The following CALN1 variants were observed in gnomAD, a reference collection of about 807,000 sequenced individuals.
CALN1 encodes the protein calcium-binding protein 8.
Under a neutral mutation model 30.6 loss-of-function variants are expected in CALN1, and 17 were observed. The observed-to-expected ratio is 0.56, with a 90% CI of 0.38 to 0.83. The LOEUF (loss-of-function observed/expected upper bound fraction) is 0.83, where lower values mean the gene tolerates loss of function less well. Among genes scored for constraint, CALN1 ranks in the 40% least tolerant of loss-of-function variants. The pLI, the probability that CALN1 is intolerant of heterozygous loss-of-function variation, is 0.00. For missense variants in CALN1, 291 were observed against 354.9 expected (o/e 0.82, Z 1.45); for synonymous variants, 156 against 131.4 (o/e 1.19, Z -1.28).
chr7:72,298,052 A>G (rs921490892), intron 2 of CALN1, among the ~76,000 whole-genome samples: 1 of 152,144 alleles, frequency 6.6e-6, no homozygotes, highest in Non-Finnish European at 1.5e-5. Context: ...AATAGTTGAG[A>G]CATTTCCAAA....
chr7:72,387,798 A>C (rs1474457825), intron 2 of CALN1, among the ~76,000 whole-genome samples: 1 of 152,204 alleles, frequency 6.6e-6, no homozygotes, highest in Non-Finnish European at 1.5e-5. Context: ...AGAAGGACAA[A>C]CACCACATGA....
At chr7:72,296,892 T>G (rs1798902892) in intron 2 of CALN1, among the ~76,000 whole-genome samples, 1 of 151,852 alleles carries the variant, frequency 6.6e-6, no homozygotes, top group Non-Finnish European at 1.5e-5. Context: ...ATTTCTTGCC[T>G]TCTGCTAGCT....
chr7:72,088,564 T>A (rs1805631878), intron 4 of CALN1, among the ~76,000 whole-genome samples: 1 of 151,646 alleles, frequency 6.6e-6, no homozygotes, highest in African/African-American at 2.4e-5. Flanking sequence ...CCAGGCATGG[T>A]GACGCGTGCC....
chr7:72,158,827 C>G (rs1226207917), intron 3 of CALN1, among the ~76,000 whole-genome samples: 1 of 152,058 alleles, frequency 6.6e-6, no homozygotes, highest in East Asian at 1.9e-4. Context: ...TATCTCTTAC[C>G]TCTTATTATG....
intron 5 of CALN1, among the ~76,000 whole-genome samples, chr7:71,967,451 G>T (rs1797580967): frequency 6.6e-6 from 1 of 151,714 alleles, no homozygotes; most frequent in Non-Finnish European, 1.5e-5. Flanking sequence ...AACATAGCAA[G>T]ACCTTGTCTC....
intron 2 of CALN1, among the ~76,000 whole-genome samples, chr7:72,358,325 A>G (rs778879886): frequency 9.9e-5 from 15 of 152,074 alleles, no homozygotes; most frequent in Non-Finnish European, 2.1e-4. Context: ...ACGTGGAGTG[A>G]TATCCACTAG....
chr7:71,810,550 CG>C, intron 5 of CALN1, 58 bp from the exon 6 acceptor site: 1 of 1,570,350 alleles, frequency 6.4e-7, no homozygotes, highest in South Asian at 1.2e-5. Flanking sequence ...GAAGTTGGCT[CG>C]GGCCATGACA....
chr7:71,864,365 A>G (rs1344575567), intron 5 of CALN1, among the ~76,000 whole-genome samples: 1 of 152,136 alleles, frequency 6.6e-6, no homozygotes, highest in Non-Finnish European at 1.5e-5. Context: ...GAAGACAGCA[A>G]ATGTGCATGC....
chr7:72,406,261 G>A lies in CALN1; in HGVS notation c.-73-2819C>T, dbSNP rs1231607223. The stretch of plus-strand genomic sequence containing the variant: ...GACTAACCACCGTCGGCCAACTAAT[G>A]AAGCACCCCATGTTGGCATCTGCAC... On this transcript the variant is annotated intron_variant, in intron 1 of 6. Coordinates refer to ENST00000395275, the MANE Select transcript of CALN1 (RefSeq NM_031468.4). 4.6e-5 allele frequency among the ~76,000 whole-genome samples: 7 copies of A among 152,242 alleles called. No individual in the cohort carries two copies. In the East Asian group the frequency reaches 1.2e-3, roughly 25 times the overall value.
chr7:72,052,905 TGTG>T (rs1802928720), intron 4 of CALN1, among the ~76,000 whole-genome samples: 1 of 140,960 alleles, frequency 7.1e-6, no homozygotes, highest in Non-Finnish European at 1.6e-5. Flanking sequence ...CAAGGCCAGG[TGTG>T]GTGGCTCACG....
intron 3 of CALN1, among the ~76,000 whole-genome samples, chr7:72,243,629 G>A (rs1281505853): frequency 2.0e-5 from 3 of 152,080 alleles, no homozygotes; most frequent in African/African-American, 7.2e-5. Context: ...CTCACTGTCA[G>A]GACTTAGTGG....
chr7:72,261,349 G>A (rs1344030135), intron 3 of CALN1, among the ~76,000 whole-genome samples: 5 of 151,474 alleles, frequency 3.3e-5, no homozygotes, highest in African/African-American at 4.8e-5. Context: ...AAATCTATCC[G>A]TACACATGAG....
At chr7:72,462,593 C>T in the CALN1 span, among the ~76,000 whole-genome samples, 1 of 152,200 alleles carries the variant, frequency 6.6e-6, no homozygotes, top group African/African-American at 2.4e-5. Context: ...GGTCGCAGTC[C>T]AAATGGGCTG....
the CALN1 span, among the ~76,000 whole-genome samples, chr7:72,472,026 C>G: frequency 6.6e-6 from 1 of 152,044 alleles, no homozygotes; most frequent in Admixed American, 6.6e-5. Context: ...AAACCCCTGG[C>G]CTCAAGAAAT....
At chr7:72,480,180 G>A in the CALN1 span, among the ~76,000 whole-genome samples, 2 of 152,160 alleles carry the variant, frequency 1.3e-5, no homozygotes, top group African/African-American at 4.8e-5. Flanking sequence ...CCCCTTAAGG[G>A]GAAACACAGA....
At chr7:71,866,325 T>G (rs1044038932) in intron 5 of CALN1, among the ~76,000 whole-genome samples, 1 of 152,158 alleles carries the variant, frequency 6.6e-6, no homozygotes, top group African/African-American at 2.4e-5. Context: ...GCCAGTTTTA[T>G]ATGTTTATTA....
At chr7:71,832,170 T>C (rs1343082317) in intron 5 of CALN1, among the ~76,000 whole-genome samples, 2 of 152,120 alleles carry the variant, frequency 1.3e-5, no homozygotes, top group Non-Finnish European at 2.9e-5. Context: ...AAGAATGTCA[T>C]GTAGGCTTTT....
intron 5 of CALN1, among the ~76,000 whole-genome samples, chr7:71,946,116 G>A (rs963513308): frequency 2.6e-5 from 4 of 152,148 alleles, no homozygotes; most frequent in African/African-American, 9.7e-5. Context: ...GTTCCAAAAG[G>A]ATTTTTGGAA....
intron 1 of CALN1, among the ~76,000 whole-genome samples, chr7:72,406,445 C>A (rs922057757): frequency 6.6e-6 from 1 of 152,126 alleles, no homozygotes; most frequent in Non-Finnish European, 1.5e-5. Flanking sequence ...TTTCCTGATG[C>A]GATTCCTAAG....
Sources: gnomAD v4.1 joint callset for allele counts (sites outside exome capture counted in the v4.1 genomes callset) on GRCh38, gnomAD v4.1.1 for gene constraint, MANE v1.5 for transcripts, NCBI Gene and HGNC (gene_info 2026-07-23, HGNC 2026-07-21) for gene names.